The following ADGRV1 variants were observed in gnomAD, a reference collection of about 807,000 sequenced individuals.
ADGRV1 encodes adhesion G protein-coupled receptor V1, also known as G-protein coupled receptor 98.
In ADGRV1, 359 loss-of-function variants were observed where a neutral mutation model predicts 596.2. The observed-to-expected ratio is 0.60, with a 90% confidence interval of 0.55 to 0.66. The LOEUF (loss-of-function observed/expected upper bound fraction) is 0.66, where lower values mean the gene tolerates loss of function less well. ADGRV1 is among the 30% of genes least tolerant of loss of function. ADGRV1 has a pLI of 0.00. For missense variants in ADGRV1, 7,274 were observed against 7,575.6 expected (o/e 0.96, Z 1.48); for synonymous variants, 2,681 against 2,679.2 (o/e 1.00, Z -0.02).
intron 85 of ADGRV1, among the ~76,000 whole-genome samples, chr5:91,044,311 G>A (rs900059492): frequency 4.6e-5 from 7 of 151,998 alleles, no homozygotes; most frequent in Admixed American, 3.9e-4. Context: ...TATATTTTCA[G>A]TATAAATGAA....
chr5:90,882,082 A>T (rs1376159972), intron 83 of ADGRV1, among the ~76,000 whole-genome samples: 1 of 152,160 alleles, frequency 6.6e-6, no homozygotes, highest in Non-Finnish European at 1.5e-5. Context: ...TCTAAATTTC[A>T]TATATGGTAG....
intron 67 of ADGRV1, among the ~76,000 whole-genome samples, chr5:90,787,593 T>TC (rs1365298258): frequency 2.8e-5 from 4 of 145,302 alleles, no homozygotes; most frequent in African/African-American, 7.5e-5. Flanking sequence ...TTTCTTTCTT[T>TC]TTTTTTTTTT....
intron 64 of ADGRV1, chr5:90,779,710 A>G (rs1758637095): frequency 6.6e-6 from 1 of 152,168 alleles, no homozygotes. Context: ...CATCTTTAGC[A>G]TGTTTAAGTA....
chr5:90,958,283 CAAA>C (rs34676985), intron 83 of ADGRV1, among the ~76,000 whole-genome samples: 5,896 of 72,620 alleles, frequency 0.081, 247 homozygotes, highest in African/African-American at 0.26. Context: ...GACCTTGTCT[CAAA>C]AAAAAAAAAA....
chr5:90,792,141 G>A (rs184728572), intron 70 of ADGRV1: 12 of 152,316 alleles, frequency 7.9e-5, no homozygotes, highest in African/African-American at 2.9e-4. Context: ...AACTTGCAGG[G>A]TGAATTATGT....
intron 54 of ADGRV1, 63 bp from the exon 55 acceptor site, chr5:90,754,920 C>T: frequency 8.5e-7 from 1 of 1,174,904 alleles, no homozygotes; most frequent in Non-Finnish European, 1.3e-6. Context: ...CACTCTAGGT[C>T]CTTGTAACAG....
At chr5:90,634,673 G>T (rs1157676078) in intron 9 of ADGRV1, among the ~76,000 whole-genome samples, 1 of 152,136 alleles carries the variant, frequency 6.6e-6, no homozygotes, top group Non-Finnish European at 1.5e-5. Flanking sequence ...GTTGGATGTA[G>T]GTGGCAAGGA....
intron 41 of ADGRV1, among the ~76,000 whole-genome samples, chr5:90,712,035 G>A (rs1053123968): frequency 3.3e-5 from 5 of 152,156 alleles, no homozygotes; most frequent in South Asian, 2.1e-4. Flanking sequence ...TGATCAGCCC[G>A]CCTCGGCCTC....
At chr5:90,656,432 T>G (rs1769415246) in intron 20 of ADGRV1, among the ~76,000 whole-genome samples, 1 of 152,200 alleles carries the variant, frequency 6.6e-6, no homozygotes. Context: ...TGTGATCATT[T>G]CTATATCCTT....
At position 90,694,244 on chromosome 5, in the gene ADGRV1, G is replaced by A. The variant is rs1368563505; in HGVS notation, c.7488G>A (p.Gln2496=). The A allele has an allele frequency of 6.2e-7, 1 of 1,613,954 alleles. No individual in the cohort carries two copies. The highest frequency in any genetic ancestry group is 2.2e-5 in the East Asian group (1 of 44,876). The change falls in exon 33 of 90, where the codon CAG becomes CAA. Residue 2496 remains glutamine, a synonymous_variant. Transcript: ENST00000405460. ...MTRVASLFSG[Q]AVAGSDYEPV... ...GGGTAGCATCTCTTTTTAGTGGTCA[G>A]GCTGTGGCTGGGAGTGACTATGAGC... is the stretch of plus-strand genomic sequence containing the variant.
chr5:90,721,047 G>A lies in ADGRV1; in HGVS notation c.9736G>A (p.Ala3246Thr), dbSNP rs1440842317. ...SVQWETVSETAFGMRGMDVVF... is the reference protein window; with the variant it reads ...SVQWETVSETTFGMRGMDVVF... ...GCAGTGGGAGACAGTATCTGAAACA[G>A]CCTTTGGCATGAGTATGTTTCATTT... The change falls in exon 45 of 90, where the codon GCC becomes ACC. Residue 3246 changes from alanine (A) to threonine (T), a missense_variant. Around this residue, in one of 5 missense-constraint regions of ADGRV1, gnomAD observed 3,643 missense variants for 3,809.2 expected, o/e 0.96. Coordinates refer to ENST00000405460, the MANE Select transcript of ADGRV1 (RefSeq NM_032119.4). The A allele has an allele frequency of 3.0e-5, 49 of 1,611,370 alleles. No homozygotes were observed. Among genetic ancestry groups the A allele is most frequent in the Non-Finnish European group, 4.1e-5 (48 of 1,178,492 alleles).
intron 76 of ADGRV1, among the ~76,000 whole-genome samples, chr5:90,828,551 A>G (rs1290801130): frequency 2.0e-5 from 3 of 152,136 alleles, no homozygotes; most frequent in Non-Finnish European, 4.4e-5. Flanking sequence ...ATACAGCTTG[A>G]TATTTTCACT....
chr5:90,657,482 G>T (rs554689228), intron 20 of ADGRV1, among the ~76,000 whole-genome samples: 5 of 151,904 alleles, frequency 3.3e-5, no homozygotes, highest in Non-Finnish European at 7.4e-5. Flanking sequence ...AAATTGTGAT[G>T]AATAAGTCCA....
chr5:90,823,627 C>T, intron 76 of ADGRV1, 31 bp downstream of exon 76: 1 of 1,552,054 alleles, frequency 6.4e-7, no homozygotes, highest in Non-Finnish European at 8.9e-7. Context: ...CTAGTGTCAA[C>T]TTCTAATTAT....
chr5:90,887,183 C>T (rs780345054), intron 83 of ADGRV1, among the ~76,000 whole-genome samples: 34 of 152,168 alleles, frequency 2.2e-4, no homozygotes, highest in Non-Finnish European at 4.9e-4. Context: ...CCACACCACA[C>T]GGACCTTGCC....
chr5:91,054,055 A>G (rs539198192), intron 85 of ADGRV1, among the ~76,000 whole-genome samples: 2 of 146,578 alleles, frequency 1.4e-5, no homozygotes, highest in African/African-American at 2.5e-5. Flanking sequence ...CTTCATTTCA[A>G]CTACTCTGTG....
intron 87 of ADGRV1, among the ~76,000 whole-genome samples, chr5:91,136,035 G>A (rs1794603389): frequency 6.6e-6 from 1 of 152,170 alleles, no homozygotes; most frequent in African/African-American, 2.4e-5. Context: ...TTGAAAGTAT[G>A]GCTGGTTCAG....
chr5:90,992,861 C>G (rs544172993), intron 85 of ADGRV1, among the ~76,000 whole-genome samples: 4 of 152,128 alleles, frequency 2.6e-5, no homozygotes, highest in South Asian at 2.1e-4. Context: ...TATGTCAATT[C>G]TTTTTACTTT....
At chr5:90,922,112 A>G (rs1021667363) in intron 83 of ADGRV1, among the ~76,000 whole-genome samples, 25 of 152,168 alleles carry the variant, frequency 1.6e-4, no homozygotes, top group African/African-American at 5.8e-4. Context: ...TATCTGTGCC[A>G]CACATAGGTT....
Sources: gnomAD v4.1 joint callset for allele counts (sites outside exome capture counted in the v4.1 genomes callset) on GRCh38, gnomAD v4.1.1 for gene constraint, gnomAD v4.1.1 regional missense constraint, MANE v1.5 for transcripts, NCBI Gene and HGNC (gene_info 2026-07-23, HGNC 2026-07-21) for gene names.